LPGAT1: variants seen among roughly 807,000 people sequenced by gnomAD.
The protein encoded by LPGAT1 is lysophosphatidylglycerol acyltransferase 1.
A neutral mutation model predicts 47.5 loss-of-function variants in LPGAT1; 11 were observed. The ratio of observed to expected loss-of-function variants is 0.23; its 90% CI spans 0.15 to 0.38. The LOEUF (loss-of-function observed/expected upper bound fraction) is 0.38, where lower values mean the gene tolerates loss of function less well. Among genes scored for constraint, LPGAT1 ranks in the 10% least tolerant of loss-of-function variants. The pLI is 1.00. For missense variants in LPGAT1, 293 were observed against 439.0 expected, an observed-to-expected ratio of 0.67 and a Z score of 2.97; for synonymous variants, 138 against 144.2, an observed-to-expected ratio of 0.96 and a Z score of 0.31.
At position 211,830,218 on chromosome 1, in the gene LPGAT1, C is replaced by A. The variant is rs1457490645; in HGVS notation, c.-28+355G>T. On this transcript the variant is annotated intron_variant, in intron 1 of 7. Coordinates refer to ENST00000366997, the MANE Select transcript of LPGAT1 (RefSeq NM_014873.3). This position sits in a 1 kb window ranked among gnomAD's most constrained non-coding sequence, Gnocchi z 5.9. ...GCGGACGGCGGGCGGCTGCGGAGAG[C>A]GGGGGCGGGTGTCCCCCGCCGAGGG... The A allele has an allele frequency of 9.2e-6, 9 of 983,230 alleles. No individual in the cohort carries two copies. The Admixed American group carries it at 5.6e-4, about 61-fold the overall frequency. 60.9% of individuals were successfully genotyped at this position (983,230 alleles called of 1,614,324 possible). A position where few individuals can be genotyped will look rare whatever the true frequency, so the allele number is the denominator to read the frequency against.
Position 211,784,690 on chromosome 1 carries a change from T to C in LPGAT1, c.454-1188A>G, listed in dbSNP as rs142085272. Among the ~76,000 whole-genome samples the C allele has an allele frequency of 2.4e-3, 371 of 151,914 alleles. 3 individuals carry two copies. Among genetic ancestry groups the C allele is most frequent in the African/African-American group, 8.3e-3 (345 of 41,442 alleles). On this transcript the variant is annotated intron_variant, in intron 4 of 7. Transcript: ENST00000366997. Reference sequence around the variant, plus strand: ...AAAAAAGACATTCTAATGGACTGTATCTTAGTTGAGAGGGAAAGAGAGAAA... The same window carrying C: ...AAAAAAGACATTCTAATGGACTGTACCTTAGTTGAGAGGGAAAGAGAGAAA...
chr1:211,749,107 T>G lies in LPGAT1; in HGVS notation c.*792A>C, dbSNP rs1437295035. On this transcript the variant is annotated 3_prime_UTR_variant, in exon 8 of 8. Transcript: ENST00000366997. ...GACAGTTCTCGAGAACCTCACACAC[T>G]GCTATGCTCCCATTTGTTTTCAGGC... 2 of 152,694 alleles carry G rather than the reference T, an allele frequency of 1.3e-5. No homozygotes were observed. The highest frequency in any genetic ancestry group is 4.8e-5 in the African/African-American group (2 of 41,458). 9.5% of individuals were successfully genotyped at this position (152,694 alleles called of 1,614,324 possible). A position where few individuals can be genotyped will look rare whatever the true frequency, so the allele number is the denominator to read the frequency against.
Position 211,746,421 on chromosome 1 carries a change from T to G in LPGAT1, c.*3478A>C, listed in dbSNP as rs979954830. On this transcript the variant is annotated 3_prime_UTR_variant, in exon 8 of 8. Transcript: ENST00000366997. ...CCTGATAGCTGTCTTTCCGCATCAT[T>G]TCACTACTCATTAACACAGTCATAA... 2.6e-5 allele frequency: 4 copies of G among 152,188 alleles called. No homozygotes were observed. The highest frequency in any genetic ancestry group is 9.7e-5 in the African/African-American group (4 of 41,440). The allele number at this position is 152,188 out of a possible 1,614,324, so 9.4% of individuals were successfully genotyped here.
rs111744103 is a variant in LPGAT1 at position 211,829,306 on chromosome 1, G to A, written c.-10C>T. 6.2e-7 allele frequency: 1 copy of A among 1,613,792 alleles called. No individual in the cohort carries two copies. The highest frequency in any genetic ancestry group is 1.3e-5 in the African/African-American group (1 of 74,842). On this transcript the variant is annotated 5_prime_UTR_variant, in exon 2 of 8. Coordinates refer to ENST00000366997, the MANE Select transcript of LPGAT1 (RefSeq NM_014873.3). ...CCAAAGTTATAGCCATTCTCACACT[G>A]GACTCCGTCCTGTCTTTCTGGGGTG...
chr1:211,812,983 C>G (rs1340165485), intron 2 of LPGAT1, among the ~76,000 whole-genome samples: 2 of 152,164 alleles, frequency 1.3e-5, no homozygotes, highest in Admixed American at 1.3e-4. Context: ...CACAGGTGCA[C>G]CCTTCTAGAG....
intron 5 of LPGAT1, among the ~76,000 whole-genome samples, 184 bp from the exon 6 acceptor site, chr1:211,779,228 T>C (rs1337617989): frequency 6.6e-6 from 1 of 152,212 alleles, no homozygotes; most frequent in Non-Finnish European, 1.5e-5. Context: ...GGATTACTTA[T>C]GTTATAAAAT....
intron 4 of LPGAT1, 25 bp downstream of exon 4, chr1:211,787,607 C>T (rs115018159): frequency 5.3e-5 from 68 of 1,286,820 alleles, no homozygotes; most frequent in African/African-American, 5.1e-4. Flanking sequence ...GCTATCACTG[C>T]GGGGAAAAAG....
intron 6 of LPGAT1, among the ~76,000 whole-genome samples, chr1:211,753,452 GTATTT>G (rs1350739458): frequency 6.6e-5 from 10 of 151,568 alleles, no homozygotes; most frequent in Admixed American, 3.9e-4. Context: ...TTCCTTTATT[GTATTT>G]TATTTTTTTG....
chr1:211,798,149 G>T (rs545182134), intron 2 of LPGAT1, among the ~76,000 whole-genome samples: 1 of 151,894 alleles, frequency 6.6e-6, no homozygotes, highest in African/African-American at 2.4e-5. Flanking sequence ...AGAGAAGAAA[G>T]GTTGCTTATT....
intron 4 of LPGAT1, among the ~76,000 whole-genome samples, chr1:211,786,891 A>C (rs1246123241): frequency 1.3e-5 from 2 of 152,186 alleles, no homozygotes; most frequent in Non-Finnish European, 2.9e-5. Flanking sequence ...AATGATGATG[A>C]AGGTAGTAGG....
rs1220317707 is a variant in LPGAT1 at position 211,783,497 on chromosome 1, T to C, written c.459A>G (p.Arg153=). The C allele has an allele frequency of 2.5e-6, 4 of 1,612,700 alleles. No individual in the cohort carries two copies. The highest frequency in any genetic ancestry group is 3.4e-6 in the Non-Finnish European group (4 of 1,179,376). Residue 153 remains arginine (R), a synonymous_variant, in exon 5 of 8, where the codon AGA becomes AGG. Coordinates refer to ENST00000366997, the MANE Select transcript of LPGAT1 (RefSeq NM_014873.3). ...VHGDFFIRQG[R]SYRDQQLLLL... ...GCAGCAGCTGTTGGTCACGATAAGA[T>C]CTTCCCTAGAAGGTACACACACACG... is the stretch of plus-strand genomic sequence containing the variant.
At chr1:211,794,744 T>C (rs2102558604) in intron 2 of LPGAT1, among the ~76,000 whole-genome samples, 1 of 152,276 alleles carries the variant, frequency 6.6e-6, no homozygotes, top group African/African-American at 2.4e-5. Flanking sequence ...CTTATCTCAC[T>C]CACTGCTGCA....
rs1000302487 is a variant in LPGAT1, at chr1:211,782,724, G to A, written c.727+505C>T. 2.6e-5 allele frequency among the ~76,000 whole-genome samples: 4 copies of A among 151,860 alleles called. No homozygotes were observed. The South Asian group carries it at 8.3e-4, about 31-fold the overall frequency. ...CACTCCAGCCTGGACAACAGAGCAAGACTGTCTCCCAAGAAAACCCAGAAA... is the reference window on the plus strand; with the variant it reads ...CACTCCAGCCTGGACAACAGAGCAAAACTGTCTCCCAAGAAAACCCAGAAA... On this transcript the variant is annotated intron_variant, in intron 5 of 7. Coordinates refer to ENST00000366997, the MANE Select transcript of LPGAT1 (RefSeq NM_014873.3).
At chr1:211,759,220 TC>T (rs1657588248) in intron 6 of LPGAT1, among the ~76,000 whole-genome samples, 1 of 152,198 alleles carries the variant, frequency 6.6e-6, no homozygotes, top group Non-Finnish European at 1.5e-5. Context: ...TATCCTTTCT[TC>T]TTCTATGCTC....
rs113584287 is a variant in LPGAT1, at chr1:211,830,758, C to T, written c.-213G>A. ...CCCCAAGGGCCCGGCCGCGTTCGCC[C>T]GGACTGGCGGGGAGGGGCGGCGGGA... On this transcript the variant is annotated 5_prime_UTR_variant, in exon 1 of 8. Coordinates refer to ENST00000366997, the MANE Select transcript of LPGAT1 (RefSeq NM_014873.3). This position sits in a 1 kb window ranked among gnomAD's most constrained non-coding sequence, Gnocchi z 5.9. 8.6e-7 allele frequency: 1 copy of T among 1,157,222 alleles called. No homozygotes were observed. The highest frequency in any genetic ancestry group is 4.4e-5 in the South Asian group (1 of 22,894). 71.7% of individuals were successfully genotyped at this position (1,157,222 alleles called of 1,614,324 possible).
intron 2 of LPGAT1, among the ~76,000 whole-genome samples, chr1:211,801,075 T>G (rs770839433): frequency 6.6e-6 from 1 of 152,216 alleles, no homozygotes; most frequent in Non-Finnish European, 1.5e-5. Flanking sequence ...AAATCAACAT[T>G]TTAATCTCTC....
rs762454353 is a variant in LPGAT1, at chr1:211,829,218, C to A, written c.79G>T (p.Val27Phe). ...GATGGAATAGCAACCAGGTTGTTGA[C>A]GACCATGAAGGCAAACCTCATCAGT... ...KALMRFAFMVVNNLVAIPSYI... is the reference protein window; with the variant it reads ...KALMRFAFMVFNNLVAIPSYI... Residue 27 changes from valine (V) to phenylalanine (F), a missense_variant, in exon 2 of 8, where the codon GTC (valine) becomes TTC (phenylalanine). Transcript: ENST00000366997. 7 of 1,614,154 alleles carry A rather than the reference C, an allele frequency of 4.3e-6. No individual in the cohort carries two copies. The highest frequency in any genetic ancestry group is 5.1e-6 in the Non-Finnish European group (6 of 1,180,038).
chr1:211,751,092 C>T (rs1172181921), intron 6 of LPGAT1, 25 bp from the exon 7 acceptor site: 1 of 1,451,226 alleles, frequency 6.9e-7, no homozygotes, highest in Non-Finnish European at 9.6e-7. Flanking sequence ...AAGAAAAGAA[C>T]AAAAACTATT....
intron 3 of LPGAT1, 82 bp from the exon 4 acceptor site, chr1:211,787,809 A>G: frequency 1.2e-6 from 1 of 810,188 alleles, no homozygotes; most frequent in Non-Finnish European, 2.0e-6. Context: ...CTTTAAATAT[A>G]ATCATCCAAG....
Sources: allele counts gnomAD v4.1 joint callset (sites outside exome capture counted in the v4.1 genomes callset), GRCh38; gene constraint gnomAD v4.1.1; non-coding constraint Gnocchi (gnomAD v3.1); transcripts MANE v1.5; gene names NCBI Gene and HGNC (gene_info 2026-07-23, HGNC 2026-07-21).